PCDH15: variants seen among roughly 807,000 people sequenced by gnomAD.
The protein encoded by PCDH15 is protocadherin related 15.
PCDH15 carries 129 observed loss-of-function variants against 178.5 expected under a neutral mutation model. That is an observed-to-expected ratio of 0.72 (90% CI 0.63 to 0.84). The LOEUF is 0.84. PCDH15 is among the 40% of genes least tolerant of loss of function. PCDH15 has a pLI of 0.00. For synonymous variants in PCDH15, 800 were observed against 732.0 expected, an observed-to-expected ratio of 1.09 and a Z score of -1.50; for missense variants, 2,230 against 2,099.9, an observed-to-expected ratio of 1.06 and a Z score of -1.21.
chr10:53,807,586 T>C (rs1053626155), intron 37 of PCDH15, among the ~76,000 whole-genome samples: 1 of 152,174 alleles, frequency 6.6e-6, no homozygotes, highest in Non-Finnish European at 1.5e-5. Flanking sequence ...CATTCTAATT[T>C]TTAATGTATT....
chr10:55,068,083 G>C (rs765548858), intron 2 of PCDH15, among the ~76,000 whole-genome samples: 2 of 151,928 alleles, frequency 1.3e-5, no homozygotes, highest in Non-Finnish European at 2.9e-5. Context: ...TCTTTTTACT[G>C]TAATGTAGTG....
At chr10:54,242,009 T>A (rs972613466) in intron 8 of PCDH15, among the ~76,000 whole-genome samples, 1 of 150,396 alleles carries the variant, frequency 6.6e-6, no homozygotes, top group Non-Finnish European at 1.5e-5. Context: ...CATGCAGAAC[T>A]GTTGTATTAT....
At chr10:54,002,725 C>T (rs1405902915) in intron 20 of PCDH15, among the ~76,000 whole-genome samples, 5 of 151,918 alleles carry the variant, frequency 3.3e-5, no homozygotes, top group Non-Finnish European at 4.4e-5. Flanking sequence ...GGGACTTTCA[C>T]AAAAGACCCC....
chr10:53,836,336 G>A (rs1292420183), intron 29 of PCDH15, among the ~76,000 whole-genome samples: 1 of 152,138 alleles, frequency 6.6e-6, no homozygotes, highest in Non-Finnish European at 1.5e-5. Flanking sequence ...GAGAACAGAG[G>A]AACCCCTATT....
At chr10:54,110,406 A>G (rs2094997516) in intron 15 of PCDH15, among the ~76,000 whole-genome samples, 1 of 152,012 alleles carries the variant, frequency 6.6e-6, no homozygotes, top group African/African-American at 2.4e-5. Context: ...TATATAAGTA[A>G]ACAAAGGAAA....
chr10:54,123,696 A>G (rs2041751218), intron 15 of PCDH15, among the ~76,000 whole-genome samples: 1 of 152,164 alleles, frequency 6.6e-6, no homozygotes, highest in Admixed American at 6.6e-5. Flanking sequence ...GAAAAGACAC[A>G]GGCACTTGTA....
intron 2 of PCDH15, among the ~76,000 whole-genome samples, chr10:54,536,256 ATGT>A (rs1428985450): frequency 2.6e-5 from 4 of 152,186 alleles, no homozygotes; most frequent in African/African-American, 9.6e-5. Context: ...TGTAAAATAG[ATGT>A]TGTTTTAGAG....
chr10:55,241,085 A>G (rs1036524398), intron 1 of PCDH15, among the ~76,000 whole-genome samples: 9 of 152,048 alleles, frequency 5.9e-5, no homozygotes, highest in East Asian at 1.9e-4. Flanking sequence ...GCGTGGTGGC[A>G]CACACCTGTA....
At chr10:55,016,362 A>C (rs753197544) in intron 2 of PCDH15, among the ~76,000 whole-genome samples, 3 of 151,778 alleles carry the variant, frequency 2.0e-5, no homozygotes, top group Non-Finnish European at 2.9e-5. Flanking sequence ...ATTCTATCTA[A>C]CTATATTTTT....
At chr10:54,790,334 ATATTTACATATATATATATACC>A (rs1396449999) in intron 1 of PCDH15, among the ~76,000 whole-genome samples, 9 of 151,262 alleles carry the variant, frequency 5.9e-5, no homozygotes, top group African/African-American at 1.7e-4. Context: ...ACATATGTAT[ATATTTACATATATATATATACC>A]TATATATGTA....
intron 9 of PCDH15, among the ~76,000 whole-genome samples, chr10:54,215,017 T>G (rs2051856437): frequency 6.6e-6 from 1 of 152,230 alleles, no homozygotes; most frequent in African/African-American, 2.4e-5. Context: ...AGTCAAATCA[T>G]AAAATTGTAT....
intron 2 of PCDH15, among the ~76,000 whole-genome samples, chr10:54,630,887 CAACA>C (rs1230231782): frequency 5.3e-5 from 8 of 152,020 alleles, no homozygotes; most frequent in African/African-American, 9.7e-5. Context: ...TACAAGCAGC[CAACA>C]AACAAATGAC....
chr10:53,869,728 G>T (rs535815209), intron 26 of PCDH15, among the ~76,000 whole-genome samples: 8 of 151,868 alleles, frequency 5.3e-5, no homozygotes, highest in African/African-American at 1.9e-4. Context: ...GATCACCTGA[G>T]CCCAGGAGCT....
chr10:55,131,418 G>A (rs913455829), intron 2 of PCDH15, among the ~76,000 whole-genome samples: 26 of 152,146 alleles, frequency 1.7e-4, no homozygotes, highest in African/African-American at 5.8e-4. Context: ...TCCCTGAAGG[G>A]CCACAGCTCT....
chr10:54,231,534 T>G (rs1030692009), intron 9 of PCDH15, among the ~76,000 whole-genome samples: 1 of 152,182 alleles, frequency 6.6e-6, no homozygotes, highest in Non-Finnish European at 1.5e-5. Context: ...GCACTGCCTA[T>G]TGGAGCTGTG....
In PCDH15 at chr10:53,840,361, G is replaced by A. The variant is rs1356928617; in HGVS notation, c.3942C>T (p.Asp1314=). Residue 1314 remains aspartate, a synonymous_variant, in exon 29 of 38, where the codon GAC becomes GAT. Transcript: ENST00000644397. The stretch of plus-strand genomic sequence containing the variant: ...TATCGATGGCTCTGTTGGTTTGGGG[G>A]TCAATTGCATAGACAGTCAAGTCAC... ...TKCDLTVYAI[D]PQTNRAIDRN... 1 of 1,614,116 alleles carries A rather than the reference G, an allele frequency of 6.2e-7. No individual in the cohort carries two copies. Among genetic ancestry groups the A allele is most frequent in the Non-Finnish European group, 8.5e-7 (1 of 1,180,016 alleles).
intron 1 of PCDH15, among the ~76,000 whole-genome samples, chr10:54,784,604 T>TGGGAAAAAGGCAATATATATTTGTA (rs1566242469): frequency 6.6e-6 from 1 of 151,812 alleles, no homozygotes; most frequent in African/African-American, 2.4e-5. Context: ...AAATAAATGC[T>TGGGAAAAAGGCAATATATATTTGTA]TAAGGGAGTC....
chr10:55,442,165 C>A (rs1018420080), intron 2 of PCDH15, among the ~76,000 whole-genome samples: 4 of 151,316 alleles, frequency 2.6e-5, no homozygotes, highest in African/African-American at 7.3e-5. Context: ...CCTAACCCTG[C>A]GAAAAGTGGA....
chr10:55,383,223 G>A (rs1378425826), intron 2 of PCDH15, among the ~76,000 whole-genome samples: 1 of 152,036 alleles, frequency 6.6e-6, no homozygotes, highest in Non-Finnish European at 1.5e-5. Context: ...CCAAAGTCAT[G>A]CCATCTAAAG....
Sources: gnomAD v4.1 joint callset for allele counts (sites outside exome capture counted in the v4.1 genomes callset) on GRCh38, gnomAD v4.1.1 for gene constraint, MANE v1.5 for transcripts, NCBI Gene and HGNC (gene_info 2026-07-23, HGNC 2026-07-21) for gene names.